Variants in GPAT3 observed in about 807,000 individuals in gnomAD.
GPAT3 encodes the protein glycerol-3-phosphate acyltransferase 3, also known as 1-AGP acyltransferase 9.
GPAT3 carries 53 observed loss-of-function variants against 58.8 expected under a neutral mutation model. That is an observed-to-expected ratio of 0.90 (90% CI 0.72 to 1.13). The LOEUF (loss-of-function observed/expected upper bound fraction) is 1.13. Ranked by LOEUF, GPAT3 falls within the 50% of genes most tolerant of loss-of-function variation. The pLI is 0.00. For missense variants in GPAT3, 511 were observed against 527.6 expected (o/e 0.97, Z 0.31); for synonymous variants, 197 against 187.4 (o/e 1.05, Z -0.42).
At chr4:83,552,369 A>G (rs1337723644) in intron 2 of GPAT3, among the ~76,000 whole-genome samples, 1 of 151,926 alleles carries the variant, frequency 6.6e-6, no homozygotes, top group Non-Finnish European at 1.5e-5. Flanking sequence ...CCCTCACCCC[A>G]CCCCTGCTCA....
rs1367762829 is a variant in GPAT3, at chr4:83,562,220, TATATA to T, written c.208+17624_208+17628del. ...ATATAATATATATATATTATATATATATATAATATATATATAATATATATATATAA... is the reference window on the plus strand; with the variant it reads ...ATATAATATATATATATTATATATATATATATATATAATATATATATATAA... On this transcript the variant is annotated intron_variant, in intron 2 of 11. Coordinates refer to ENST00000264409, the MANE Select transcript of GPAT3 (RefSeq NM_032717.5). Among the ~76,000 whole-genome samples, 198 of 73,624 alleles carry T rather than the reference TATATA, an allele frequency of 2.7e-3. 1 individual carries two copies. Among genetic ancestry groups the T allele is most frequent in the African/African-American group, 9.9e-3 (155 of 15,706 alleles). The allele number at this position is 73,624 out of a possible 152,430, so 48.3% of individuals were successfully genotyped here.
At chr4:83,562,757 G>A (rs985861772) in intron 2 of GPAT3, among the ~76,000 whole-genome samples, 14 of 151,730 alleles carry the variant, frequency 9.2e-5, no homozygotes, top group African/African-American at 3.4e-4. Flanking sequence ...AAGAGAATAA[G>A]AGCAGAGAAA....
chr4:83,582,253 T>C (rs1726168607), intron 3 of GPAT3, among the ~76,000 whole-genome samples: 1 of 152,218 alleles, frequency 6.6e-6, no homozygotes, highest in African/African-American at 2.4e-5. Context: ...ACTTCATAAC[T>C]GCATAAGAGA....
chr4:83,540,155 TAAA>T (rs58697347), intron 1 of GPAT3, among the ~76,000 whole-genome samples: 163 of 94,288 alleles, frequency 1.7e-3, no homozygotes, highest in African/African-American at 5.1e-3. Flanking sequence ...AGACTCCATC[TAAA>T]AAAAAAAAAA....
intron 3 of GPAT3, among the ~76,000 whole-genome samples, chr4:83,584,176 A>G (rs1726279430): frequency 6.6e-6 from 1 of 152,206 alleles, no homozygotes; most frequent in South Asian, 2.1e-4. Flanking sequence ...TTATCTACTA[A>G]ACAAATGCTC....
At position 83,597,510 on chromosome 4, in the gene GPAT3, A is replaced by G; in HGVS notation, c.991A>G (p.Ile331Val). ...TGGAGGAACCATACATCCAGTTGCA[A>G]TTAAGGTAAAACAGATACCATAATA... The part of the protein sequence containing the change: ...EIGGTIHPVA[I>V]KYNPQFGDAF... Residue 331 changes from isoleucine to valine, a missense_variant, in exon 9 of 12, where the codon ATT (isoleucine) becomes GTT (valine). Ile to Val is a conservative substitution (Grantham distance 29). Transcript: ENST00000264409. The G allele has an allele frequency of 6.5e-6, 10 of 1,547,610 alleles. No homozygotes were observed. The highest frequency in any genetic ancestry group is 8.8e-6 in the Non-Finnish European group (10 of 1,137,958).
intron 3 of GPAT3, among the ~76,000 whole-genome samples, chr4:83,584,650 C>T (rs1472304420): frequency 3.3e-5 from 5 of 152,192 alleles, no homozygotes; most frequent in Non-Finnish European, 5.9e-5. Context: ...GAATTACAGG[C>T]ATGTGCCTCC....
Position 83,604,838 on chromosome 4 carries a change from GT to G in GPAT3, c.*75del. ...GGAATGGCTTTTTTTGTTTTGTTTTGTTTTATTGTTTTGTTTTTATTATTGT... is the reference window on the plus strand; with the variant it reads ...GGAATGGCTTTTTTTGTTTTGTTTTGTTTATTGTTTTGTTTTTATTATTGT... On this transcript the variant is annotated 3_prime_UTR_variant, in exon 12 of 12. Coordinates refer to ENST00000264409, the MANE Select transcript of GPAT3 (RefSeq NM_032717.5). 8.3e-7 allele frequency: 1 copy of G among 1,206,806 alleles called. No individual in the cohort carries two copies. Among genetic ancestry groups the G allele is most frequent in the Non-Finnish European group, 1.2e-6 (1 of 848,102 alleles). The allele number at this position is 1,206,806 out of a possible 1,614,324, so 74.8% of individuals were successfully genotyped here. A position where few individuals can be genotyped will look rare whatever the true frequency, so the allele number is the denominator to read the frequency against.
intron 2 of GPAT3, among the ~76,000 whole-genome samples, chr4:83,551,777 G>A (rs2110076314): frequency 9.2e-6 from 1 of 109,182 alleles, no homozygotes; most frequent in African/African-American, 3.6e-5. Context: ...GGGAGACAGA[G>A]TGAGACTCCA....
chr4:83,554,801 CTTTTT>C (rs34785812), intron 2 of GPAT3, among the ~76,000 whole-genome samples: 6 of 129,956 alleles, frequency 4.6e-5, no homozygotes, highest in Non-Finnish European at 4.9e-5. Flanking sequence ...GAAGCTCCCT[CTTTTT>C]TTTTTTTTTT....
At chr4:83,567,174 G>T (rs1322297726) in intron 2 of GPAT3, among the ~76,000 whole-genome samples, 2 of 151,970 alleles carry the variant, frequency 1.3e-5, no homozygotes, top group Admixed American at 1.3e-4. Flanking sequence ...GGTTGTGCTG[G>T]CTGATACTCC....
intron 11 of GPAT3, among the ~76,000 whole-genome samples, chr4:83,601,648 G>A (rs527796809): frequency 5.8e-4 from 88 of 152,328 alleles, no homozygotes; most frequent in Non-Finnish European, 7.8e-4. Flanking sequence ...CCAGCTACTC[G>A]GGAGGCTGAG....
chr4:83,567,628 A>G (rs1441617810), intron 2 of GPAT3, among the ~76,000 whole-genome samples: 4 of 152,046 alleles, frequency 2.6e-5, no homozygotes, highest in African/African-American at 9.7e-5. Context: ...AATGTTTGGT[A>G]GAATTCCTTA....
intron 6 of GPAT3, among the ~76,000 whole-genome samples, chr4:83,593,905 A>G (rs990172176): frequency 6.6e-6 from 1 of 152,142 alleles, no homozygotes; most frequent in Non-Finnish European, 1.5e-5. Flanking sequence ...GGGTATCAAT[A>G]TGCTTCCAAA....
chr4:83,580,280 C>G (rs947701616), intron 2 of GPAT3, among the ~76,000 whole-genome samples: 3 of 152,146 alleles, frequency 2.0e-5, no homozygotes, highest in African/African-American at 7.2e-5. Flanking sequence ...CTAGAAATAG[C>G]TACTTAATGT....
At chr4:83,594,998 A>T in intron 7 of GPAT3, 38 bp downstream of exon 7, 1 of 1,579,724 alleles carries the variant, frequency 6.3e-7, no homozygotes. Context: ...CTGGAGTAGC[A>T]TAAAAGCTGA....
At position 83,536,386 on chromosome 4, in the gene GPAT3, G is replaced by A. The variant is rs2110065349; in HGVS notation, c.-237G>A. 1.5e-6 allele frequency: 2 copies of A among 1,321,376 alleles called. No individual in the cohort carries two copies. The highest frequency in any genetic ancestry group is 2.9e-4 in the Middle Eastern group (1 of 3,452). The allele number at this position is 1,321,376 out of a possible 1,614,324, so 81.9% of individuals were successfully genotyped here. A position where few individuals can be genotyped will look rare whatever the true frequency, so the allele number is the denominator to read the frequency against. On this transcript the variant is annotated 5_prime_UTR_variant, in exon 1 of 12. Transcript: ENST00000264409. ...CGCACGCCGCGGTGGCTTCAGCCCA[G>A]ACCTGGGCAGCCAGCGGAGAAAGAG...
chr4:83,550,612 T>G (rs370566548), intron 2 of GPAT3, among the ~76,000 whole-genome samples: 29 of 152,360 alleles, frequency 1.9e-4, no homozygotes, highest in Middle Eastern at 3.4e-3. Flanking sequence ...CTTTTTCAAA[T>G]AACCACAATG....
At chr4:83,578,923 T>C (rs1376223762) in intron 2 of GPAT3, among the ~76,000 whole-genome samples, 1 of 17,706 alleles carries the variant, frequency 5.6e-5, no homozygotes, top group Admixed American at 8.1e-4. Flanking sequence ...CTTTTTTCTT[T>C]TCTTTCTTTC....
Sources: allele counts gnomAD v4.1 joint callset (sites outside exome capture counted in the v4.1 genomes callset), GRCh38; gene constraint gnomAD v4.1.1; transcripts MANE v1.5; gene names NCBI Gene and HGNC (gene_info 2026-07-23, HGNC 2026-07-21).